The following YAP1 variants were observed in gnomAD, a reference collection of about 807,000 sequenced individuals.
The protein encoded by YAP1 is transcriptional coactivator YAP1.
Under a neutral mutation model 56.9 loss-of-function variants are expected in YAP1, and 5 were observed. The observed-to-expected ratio is 0.09, with a 90% confidence interval of 0.05 to 0.18. The LOEUF is 0.18. YAP1 is among the 10% of genes least tolerant of loss of function. YAP1 has a pLI of 1.00. For missense variants in YAP1, 539 were observed against 651.8 expected (o/e 0.83, Z 1.88); for synonymous variants, 265 against 248.1 (o/e 1.07, Z -0.64).
At chr11:102,116,176 C>A (rs1426397) in intron 2 of YAP1, among the ~76,000 whole-genome samples, 148,278 of 152,308 alleles carry the variant, frequency 0.97, 72,315 homozygotes, top group Middle Eastern at 1. Flanking sequence ...TATTTGGAAA[C>A]AAATTACATC....
Position 102,232,042 on chromosome 11 carries a change from T to C in YAP1, c.*2102T>C, listed in dbSNP as rs1950450753. The C allele has an allele frequency of 6.6e-6, 1 of 152,520 alleles. No individual in the cohort carries two copies. The highest frequency in any genetic ancestry group is 1.5e-5 in the Non-Finnish European group (1 of 68,018). The allele number at this position is 152,520 out of a possible 1,614,324, so 9.4% of individuals were successfully genotyped here. A position where few individuals can be genotyped will look rare whatever the true frequency, so the allele number is the denominator to read the frequency against. The stretch of plus-strand genomic sequence containing the variant: ...AACAGCAGAAAGATTAAATCTTGAA[T>C]TAAGTCTGGGGGGAAATGGCCACTG... On this transcript the variant is annotated 3_prime_UTR_variant, in exon 9 of 9. Coordinates refer to ENST00000282441, the MANE Select transcript of YAP1 (RefSeq NM_001130145.3).
At chr11:102,136,218 T>C (rs1944665112) in intron 2 of YAP1, among the ~76,000 whole-genome samples, 1 of 152,228 alleles carries the variant, frequency 6.6e-6, no homozygotes, top group African/African-American at 2.4e-5. Flanking sequence ...TTTGGTCATT[T>C]ATTTTACTTT....
intron 2 of YAP1, among the ~76,000 whole-genome samples, chr11:102,162,095 A>G (rs941868676): frequency 2.6e-5 from 4 of 152,170 alleles, no homozygotes; most frequent in Non-Finnish European, 5.9e-5. Context: ...TAAGTGTATG[A>G]ATTTCTTATG....
At chr11:102,198,337 C>T (rs932743948) in intron 4 of YAP1, among the ~76,000 whole-genome samples, 1 of 152,162 alleles carries the variant, frequency 6.6e-6, no homozygotes, top group African/African-American at 2.4e-5. Flanking sequence ...CTTTTGGTAT[C>T]TAATTCTGGG....
At chr11:102,187,014 G>A (rs1213337477) in intron 4 of YAP1, among the ~76,000 whole-genome samples, 1 of 152,082 alleles carries the variant, frequency 6.6e-6, no homozygotes, top group Non-Finnish European at 1.5e-5. Context: ...AGACTGAGGG[G>A]ACTCGGAACC....
rs1200108270 is a variant in YAP1 at position 102,232,484 on chromosome 11, G to A, written c.*2544G>A. ...TTAATTTGCCCAGTTATACCTCAGT[G>A]TTGTAGCAGTACTGTGATACCTGGC... On this transcript the variant is annotated 3_prime_UTR_variant, in exon 9 of 9. Transcript: ENST00000282441. The A allele has an allele frequency of 6.6e-6, 1 of 152,340 alleles. No individual in the cohort carries two copies. The highest frequency in any genetic ancestry group is 1.5e-5 in the Non-Finnish European group (1 of 68,060). 9.4% of individuals were successfully genotyped at this position (152,340 alleles called of 1,614,324 possible).
chr11:102,209,317 A>G (rs1949277833), intron 5 of YAP1, among the ~76,000 whole-genome samples, 200 bp from the exon 6 acceptor site: 1 of 152,020 alleles, frequency 6.6e-6, no homozygotes, highest in Non-Finnish European at 1.5e-5. Context: ...CCTATCCTCA[A>G]TGCTGTTAAA....
At chr11:102,229,340 T>C (rs572063172) in intron 8 of YAP1, among the ~76,000 whole-genome samples, 13 of 152,328 alleles carry the variant, frequency 8.5e-5, no homozygotes, top group African/African-American at 3.1e-4. Context: ...TTTAGTCTTA[T>C]TATGGTGGTG....
At chr11:102,157,866 T>G (rs17097445) in intron 2 of YAP1, among the ~76,000 whole-genome samples, 13,320 of 152,222 alleles carry the variant, frequency 0.088, 982 homozygotes, top group African/African-American at 0.19. Flanking sequence ...CTTTTCCCCT[T>G]ACAACACAAT....
At chr11:102,162,752 T>C (rs1197518502) in intron 3 of YAP1, among the ~76,000 whole-genome samples, 181 bp downstream of exon 3, 1 of 152,228 alleles carries the variant, frequency 6.6e-6, no homozygotes, top group Non-Finnish European at 1.5e-5. Flanking sequence ...TATTGCCTTG[T>C]ATAGTTGTTA....
At chr11:102,214,331 C>T (rs900459123) in intron 6 of YAP1, among the ~76,000 whole-genome samples, 1 of 152,074 alleles carries the variant, frequency 6.6e-6, no homozygotes, top group East Asian at 1.9e-4. Flanking sequence ...AAGGTCAGTC[C>T]CTGGTTTAAT....
At chr11:102,224,499 T>TAG (rs1434183214) in intron 7 of YAP1, among the ~76,000 whole-genome samples, 1 of 152,254 alleles carries the variant, frequency 6.6e-6, no homozygotes, top group Non-Finnish European at 1.5e-5. Flanking sequence ...TTGGATTCCT[T>TAG]TTCTAACTGA....
At chr11:102,121,511 C>CA (rs1409662525) in intron 2 of YAP1, among the ~76,000 whole-genome samples, 4 of 151,948 alleles carry the variant, frequency 2.6e-5, no homozygotes, top group Admixed American at 1.3e-4. Flanking sequence ...TAGCGTGATG[C>CA]AATCCTGCAA....
chr11:102,224,619 G>A (rs1413077558), intron 7 of YAP1, among the ~76,000 whole-genome samples: 1 of 152,126 alleles, frequency 6.6e-6, no homozygotes, highest in Non-Finnish European at 1.5e-5. Context: ...AATTCCAAGA[G>A]AAAATATCTT....
intron 2 of YAP1, among the ~76,000 whole-genome samples, chr11:102,156,478 G>T (rs1188386547): frequency 6.6e-6 from 1 of 152,094 alleles, no homozygotes; most frequent in Non-Finnish European, 1.5e-5. Context: ...AAATTTCTCA[G>T]GGCTGTTTTA....
At chr11:102,134,341 A>C (rs1266736762) in intron 2 of YAP1, among the ~76,000 whole-genome samples, 1 of 152,032 alleles carries the variant, frequency 6.6e-6, no homozygotes, top group East Asian at 1.9e-4. Context: ...TGCTATAAAC[A>C]ACATGGAATT....
At chr11:102,193,145 G>A (rs1174842408) in intron 4 of YAP1, among the ~76,000 whole-genome samples, 2 of 152,188 alleles carry the variant, frequency 1.3e-5, no homozygotes. Context: ...CCTAGTTCCA[G>A]GCCATGTGCT....
In YAP1 at chr11:102,180,108, C is replaced by T. The variant is rs114882289; in HGVS notation, c.689-5910C>T. ...CACTGCAACCTCCAACTCCCGGGTA[C>T]GAGAGATTCTCCTGCCTCAGCCTCC... On this transcript the variant is annotated intron_variant, in intron 3 of 8. Transcript: ENST00000282441. Among the ~76,000 whole-genome samples, 1,171 of 149,082 alleles carry T rather than the reference C, an allele frequency of 7.9e-3. 20 individuals are homozygous for T. Among genetic ancestry groups the T allele is most frequent in the African/African-American group, 0.027 (1,100 of 40,448 alleles).
intron 3 of YAP1, among the ~76,000 whole-genome samples, chr11:102,163,606 A>G (rs930159008): frequency 2.6e-5 from 4 of 152,204 alleles, no homozygotes; most frequent in African/African-American, 4.8e-5. Context: ...CAGCTCTAGT[A>G]GACTTGATGG....
Sources: gnomAD v4.1 joint callset for allele counts (sites outside exome capture counted in the v4.1 genomes callset) on GRCh38, gnomAD v4.1.1 for gene constraint, MANE v1.5 for transcripts, NCBI Gene and HGNC (gene_info 2026-07-23, HGNC 2026-07-21) for gene names.